DENND2C: variants seen among roughly 807,000 people sequenced by gnomAD.
DENND2C encodes the protein DENN domain-containing protein 2C.
In DENND2C, 72 loss-of-function variants were observed where a neutral mutation model predicts 112.4. That is an observed-to-expected ratio of 0.64 (90% CI 0.53 to 0.78). The LOEUF (loss-of-function observed/expected upper bound fraction) is 0.78. DENND2C is among the 30% of genes least tolerant of loss of function. The pLI, the probability that DENND2C is intolerant of heterozygous loss-of-function variation, is 0.00. For missense variants in DENND2C, 992 were observed against 1,113.8 expected (o/e 0.89, Z 1.56); for synonymous variants, 329 against 381.6 (o/e 0.86, Z 1.61).
chr1:114,653,420 CT>C (rs1570811327), intron 2 of DENND2C, among the ~76,000 whole-genome samples: 2 of 151,968 alleles, frequency 1.3e-5, no homozygotes, highest in East Asian at 3.9e-4. Flanking sequence ...CCTATTAGTA[CT>C]TTTTATACTA....
At chr1:114,626,885 AC>A (rs1164234946) in intron 3 of DENND2C, among the ~76,000 whole-genome samples, 1 of 150,928 alleles carries the variant, frequency 6.6e-6, no homozygotes, top group African/African-American at 2.4e-5. Context: ...ACATCTCAAA[AC>A]CCCCCCAAAA....
At chr1:114,601,607 A>C in intron 12 of DENND2C, 22 bp from the exon 13 acceptor site, 1 of 1,601,432 alleles carries the variant, frequency 6.2e-7, no homozygotes, top group Non-Finnish European at 8.5e-7. Flanking sequence ...AAACAACAAC[A>C]ACAAAAAAAT....
chr1:114,656,401 CT>C (rs776761733), intron 1 of DENND2C, among the ~76,000 whole-genome samples: 309 of 138,472 alleles, frequency 2.2e-3, no homozygotes, highest in Middle Eastern at 0.011. Flanking sequence ...TTCTTTCTTT[CT>C]TTTTTTTTTT....
intron 19 of DENND2C, 58 bp downstream of exon 19, chr1:114,587,658 G>C (rs1655076176): frequency 5.4e-6 from 8 of 1,486,212 alleles, no homozygotes; most frequent in Non-Finnish European, 7.3e-6. Flanking sequence ...TCATAATATA[G>C]TAAAATCTTT....
intron 20 of DENND2C, 111 bp downstream of exon 20, chr1:114,587,276 G>A: frequency 2.6e-6 from 3 of 1,172,394 alleles, no homozygotes; most frequent in Admixed American, 3.5e-5. Flanking sequence ...CAAACTCCTG[G>A]CCTCAAGCAA....
intron 2 of DENND2C, among the ~76,000 whole-genome samples, chr1:114,651,598 G>C (rs376815921): frequency 9.2e-5 from 14 of 152,170 alleles, no homozygotes; most frequent in African/African-American, 2.6e-4. Context: ...AATTAGCTGG[G>C]CATGGTGGCA....
intron 11 of DENND2C, among the ~76,000 whole-genome samples, 161 bp downstream of exon 11, chr1:114,604,761 A>T (rs1655611713): frequency 6.6e-6 from 1 of 151,624 alleles, no homozygotes; most frequent in African/African-American, 2.4e-5. Flanking sequence ...TAAGCCCCAC[A>T]TAGGAAATGT....
chr1:114,598,106 A>T (rs977589058), intron 16 of DENND2C, among the ~76,000 whole-genome samples: 9 of 152,200 alleles, frequency 5.9e-5, no homozygotes, highest in African/African-American at 1.9e-4. Context: ...TTACCCTATG[A>T]CTCAGCAATT....
intron 3 of DENND2C, among the ~76,000 whole-genome samples, chr1:114,631,057 A>C (rs1656474737): frequency 6.6e-6 from 1 of 152,256 alleles, no homozygotes; most frequent in Non-Finnish European, 1.5e-5. Context: ...CATGAAGACA[A>C]CTAAATCCAG....
chr1:114,655,673 G>A (rs1333623676), intron 1 of DENND2C, among the ~76,000 whole-genome samples: 7 of 151,850 alleles, frequency 4.6e-5, no homozygotes, highest in South Asian at 2.1e-4. Context: ...CAGGAAAGAC[G>A]GGGTTTTGCC....
Position 114,608,750 on chromosome 1 carries a change from G to C in DENND2C, c.1493C>G (p.Ser498Cys), listed in dbSNP as rs1655729542. 2 of 1,614,030 alleles carry C rather than the reference G, an allele frequency of 1.2e-6. No homozygotes were observed. The highest frequency in any genetic ancestry group is 1.7e-5 in the Admixed American group (1 of 59,998). Residue 498 changes from serine (S) to cysteine (C), a missense_variant, in exon 10 of 21, where the codon TCT becomes TGT. This residue lies in a region of DENND2C where 516 missense variants were observed against 623.6 expected (regional missense o/e 0.83). Transcript: ENST00000393274. ...QQLFELFVVV[S>C]LQKKPSGISY... ...TATTCCTGATGGTTTCTTCTGTAGA[G>C]ACACCACCACAAAAAGTTCAAACAG... is the stretch of plus-strand genomic sequence containing the variant.
rs1557949721 is a variant in DENND2C, at chr1:114,625,527, AT to A, written c.457del (p.Ile153Ter). On this transcript the variant is annotated frameshift_variant, in exon 4 of 21. Transcript: ENST00000393274. LOFTEE classifies it high-confidence loss of function. Reference protein sequence around the residue: ...FYTSQILWKKIEALPPDKLLN... With the variant: ...FYTSQILWKKXEALPPDKLLN... ...GAGTTTATCTGGGGGAAGTGCTTCT[AT>A]TTTCTTCCACAGTATTTGTGAGGTA... is the stretch of plus-strand genomic sequence containing the variant. 2 of 1,614,010 alleles carry A rather than the reference AT, an allele frequency of 1.2e-6. No homozygotes were observed. The highest frequency in any genetic ancestry group is 2.2e-5 in the South Asian group (2 of 91,080).
intron 3 of DENND2C, among the ~76,000 whole-genome samples, chr1:114,643,465 T>C (rs559244803): frequency 2.1e-4 from 32 of 152,154 alleles, no homozygotes; most frequent in Non-Finnish European, 3.5e-4. Flanking sequence ...ACCAGACTAA[T>C]AGGGAAAAAA....
At position 114,605,012 on chromosome 1, in the gene DENND2C, T is replaced by A. The variant is rs1655619663; in HGVS notation, c.1577A>T (p.Gln526Leu). The A allele has an allele frequency of 6.2e-7, 1 of 1,613,266 alleles. No homozygotes were observed. Among genetic ancestry groups the A allele is most frequent in the Non-Finnish European group, 8.5e-7 (1 of 1,179,684 alleles). ...AAGTCTCTCTTCCATGTCTTTGGAC[T>A]GCTTATAGCCATGATCATCCTGAAA... ...FPGKDDHGYK[Q>L]SKDMEERLKV... Residue 526 changes from glutamine to leucine, a missense_variant, in exon 11 of 21, where the codon CAG becomes CTG. Gln to Leu is a moderately radical substitution (Grantham distance 113). Around this residue, in one of 3 missense-constraint regions of DENND2C, gnomAD observed 516 missense variants for 623.6 expected, o/e 0.83. Coordinates refer to ENST00000393274, the MANE Select transcript of DENND2C (RefSeq NM_001256404.2).
chr1:114,639,957 CATAATATGTGGG>C (rs1656777345), intron 3 of DENND2C, among the ~76,000 whole-genome samples: 1 of 144,224 alleles, frequency 6.9e-6, no homozygotes, highest in Non-Finnish European at 1.6e-5. Flanking sequence ...GGCATTACTG[CATAATATGTGGG>C]ACTGCATAAT....
Position 114,625,980 on chromosome 1 carries a change from T to C in DENND2C, c.5A>G (p.Asp2Gly), listed in dbSNP as rs1656331734. 1.2e-6 allele frequency: 2 copies of C among 1,605,174 alleles called. No homozygotes were observed. The highest frequency in any genetic ancestry group is 1.7e-6 in the Non-Finnish European group (2 of 1,175,164). Residue 2 changes from aspartate (D) to glycine (G), a missense_variant, in exon 4 of 21, where the codon GAT (aspartate) becomes GGT (glycine). Physicochemically the swap from Asp to Gly is moderately conservative, Grantham distance 94. Around this residue, in one of 3 missense-constraint regions of DENND2C, gnomAD observed 470 missense variants for 472.7 expected, o/e 0.99. Transcript: ENST00000393274. ...AACAGTAGTACGAGAAAAACCAACA[T>C]CCATGTTCCCAACTGGGTGAATGAC... Reference protein sequence around the residue: MDVGFSRTTVQT... With the variant: MGVGFSRTTVQT...
At chr1:114,657,990 G>A (rs1053244624) in intron 1 of DENND2C, among the ~76,000 whole-genome samples, 1 of 152,170 alleles carries the variant, frequency 6.6e-6, no homozygotes, top group African/African-American at 2.4e-5. Context: ...TCTTCCACTG[G>A]AACTGAAGGT....
chr1:114,600,364 G>C lies in DENND2C; in HGVS notation c.1957-12C>G, dbSNP rs947764263. The C allele has an allele frequency of 6.2e-7, 1 of 1,613,672 alleles. No individual in the cohort carries two copies. Among genetic ancestry groups the C allele is most frequent in the African/African-American group, 1.3e-5 (1 of 74,922 alleles). On this transcript the variant is annotated splice_polypyrimidine_tract_variant and intron_variant, in intron 14 of 20. Transcript: ENST00000393274. ...CAGAGTTCAATGGACTGAAATGCAAGAAGTTGAATCAGGTGAGCTAATGTT... is the reference window on the plus strand; with the variant it reads ...CAGAGTTCAATGGACTGAAATGCAACAAGTTGAATCAGGTGAGCTAATGTT...
At chr1:114,590,504 C>T (rs1055719163) in intron 18 of DENND2C, among the ~76,000 whole-genome samples, 9 of 152,186 alleles carry the variant, frequency 5.9e-5, no homozygotes, top group South Asian at 2.1e-4. Flanking sequence ...CTTGGCCGGG[C>T]GCGGTGGCTC....
Sources: allele counts gnomAD v4.1 joint callset (sites outside exome capture counted in the v4.1 genomes callset), GRCh38; gene constraint gnomAD v4.1.1; regional missense constraint gnomAD v4.1.1; transcripts MANE v1.5; gene names NCBI Gene and HGNC (gene_info 2026-07-23, HGNC 2026-07-21).